PCSK5: variants seen among roughly 807,000 people sequenced by gnomAD.
The protein encoded by PCSK5 is proprotein convertase subtilisin/kexin type 5.
Under a neutral mutation model 233.2 loss-of-function variants are expected in PCSK5, and 129 were observed. That is an observed-to-expected ratio of 0.55 (90% CI 0.48 to 0.64). The LOEUF (loss-of-function observed/expected upper bound fraction) is 0.64. PCSK5 is among the 30% of genes least tolerant of loss of function. PCSK5 has a pLI of 0.00. For synonymous variants in PCSK5, 825 were observed against 879.2 expected (o/e 0.94, Z 1.09); for missense variants, 2,076 against 2,430.1 (o/e 0.85, Z 3.06).
chr9:76,038,792 C>A (rs1828972466), intron 5 of PCSK5, among the ~76,000 whole-genome samples: 1 of 152,188 alleles, frequency 6.6e-6, no homozygotes, highest in Non-Finnish European at 1.5e-5. Flanking sequence ...ACTTTGTCAC[C>A]CATACACTGA....
chr9:75,970,780 C>A (rs1333242120), intron 2 of PCSK5, among the ~76,000 whole-genome samples: 1 of 151,988 alleles, frequency 6.6e-6, no homozygotes, highest in African/African-American at 2.4e-5. Context: ...CACTGCCACG[C>A]CTGGTTAATT....
At chr9:76,064,170 G>A (rs1830159191) in intron 5 of PCSK5, among the ~76,000 whole-genome samples, 1 of 127,544 alleles carries the variant, frequency 7.8e-6, no homozygotes. Flanking sequence ...CGGGGCGGCT[G>A]GCCAGGCGGG....
intron 23 of PCSK5, among the ~76,000 whole-genome samples, chr9:76,239,673 G>A (rs1378536653): frequency 6.8e-6 from 1 of 146,732 alleles, no homozygotes; most frequent in South Asian, 2.2e-4. Flanking sequence ...TCCAGCCTGG[G>A]AGACAGAGCA....
chr9:76,210,619 G>A (rs868322600), intron 20 of PCSK5, among the ~76,000 whole-genome samples: 1 of 152,278 alleles, frequency 6.6e-6, no homozygotes, highest in African/African-American at 2.4e-5. Flanking sequence ...TCATTCCTTC[G>A]AGCTTTATTC....
chr9:75,968,455 T>C (rs1825687659), intron 2 of PCSK5, among the ~76,000 whole-genome samples: 1 of 152,212 alleles, frequency 6.6e-6, no homozygotes, highest in Non-Finnish European at 1.5e-5. Flanking sequence ...AAATATAGCC[T>C]CTTTCTTCCA....
At chr9:76,348,365 T>G (rs1830032995) in intron 35 of PCSK5, among the ~76,000 whole-genome samples, 1 of 152,084 alleles carries the variant, frequency 6.6e-6, no homozygotes, top group South Asian at 2.1e-4. Context: ...GAGCTGAGAT[T>G]GCGCCACTGC....
At chr9:76,259,456 T>TACACACACACACAC (rs10592376) in intron 24 of PCSK5, among the ~76,000 whole-genome samples, 7 of 148,788 alleles carry the variant, frequency 4.7e-5, no homozygotes, top group Non-Finnish European at 7.4e-5. Context: ...CTGTCTACAC[T>TACACACACACACAC]ACACACACAC....
At chr9:76,141,936 C>T (rs1374931663) in intron 10 of PCSK5, among the ~76,000 whole-genome samples, 6 of 151,854 alleles carry the variant, frequency 4.0e-5, no homozygotes, top group Non-Finnish European at 8.8e-5. Flanking sequence ...GATGAGAACT[C>T]GTGAACACAA....
intron 10 of PCSK5, among the ~76,000 whole-genome samples, chr9:76,150,957 T>C (rs778612529): frequency 2.6e-5 from 4 of 152,026 alleles, no homozygotes; most frequent in Non-Finnish European, 5.9e-5. Context: ...TTTTTCTTTC[T>C]TCCGTAGGAA....
chr9:76,203,600 C>T (rs1824996238), intron 20 of PCSK5, among the ~76,000 whole-genome samples: 1 of 151,960 alleles, frequency 6.6e-6, no homozygotes, highest in African/African-American at 2.4e-5. Flanking sequence ...AGAATGCAGC[C>T]TGATAACACC....
At chr9:76,289,469 CCACACACACACACACACA>C (rs201456283) in intron 24 of PCSK5, among the ~76,000 whole-genome samples, 6 of 129,934 alleles carry the variant, frequency 4.6e-5, no homozygotes, top group South Asian at 5.3e-4. Context: ...ATTCCCCTCA[CCACACACACACACACACA>C]CACACACACA....
At chr9:76,204,696 C>T (rs977105214) in intron 20 of PCSK5, among the ~76,000 whole-genome samples, 9 of 152,186 alleles carry the variant, frequency 5.9e-5, no homozygotes, top group African/African-American at 1.9e-4. Context: ...TTTTTCTCAT[C>T]GTTGCATACC....
rs140538456 is a variant in PCSK5 at position 76,096,894 on chromosome 9, G to A, written c.1107+792G>A. Among the ~76,000 whole-genome samples, 760 of 151,046 alleles carry A rather than the reference G, an allele frequency of 5.0e-3. 9 individuals are homozygous for A. Among genetic ancestry groups the A allele is most frequent in the African/African-American group, 0.018 (727 of 41,194 alleles). On this transcript the variant is annotated intron_variant, in intron 8 of 37. Transcript: ENST00000674117. ...GGGATTTACAGGCGTGAGCCACTGC[G>A]CCCCACCAAAAGGTGCATTTCTTTA...
At chr9:75,917,170 GAAAAAA>G (rs34529382) in intron 1 of PCSK5, among the ~76,000 whole-genome samples, 5 of 104,158 alleles carry the variant, frequency 4.8e-5, no homozygotes, top group Non-Finnish European at 9.7e-5. Context: ...CTCCGTCTCA[GAAAAAA>G]AAAAAAAAAA....
At chr9:76,226,178 A>G (rs1825884200) in intron 20 of PCSK5, among the ~76,000 whole-genome samples, 1 of 152,162 alleles carries the variant, frequency 6.6e-6, no homozygotes, top group Non-Finnish European at 1.5e-5. Context: ...CATCACTCTG[A>G]ACATGCACTT....
At chr9:76,090,007 A>G (rs746261751) in intron 7 of PCSK5, among the ~76,000 whole-genome samples, 6 of 152,220 alleles carry the variant, frequency 3.9e-5, no homozygotes, top group Non-Finnish European at 8.8e-5. Flanking sequence ...TGGATCCTGC[A>G]TGGATTCCAC....
intron 8 of PCSK5, among the ~76,000 whole-genome samples, chr9:76,100,580 T>C (rs760943109): frequency 6.6e-6 from 1 of 152,222 alleles, no homozygotes; most frequent in Non-Finnish European, 1.5e-5. Context: ...ACCCCCAAAC[T>C]CATCTTGTAG....
At chr9:76,064,732 G>C (rs1489083287) in intron 5 of PCSK5, among the ~76,000 whole-genome samples, 1 of 150,732 alleles carries the variant, frequency 6.6e-6, no homozygotes, top group Non-Finnish European at 1.5e-5. Flanking sequence ...CCTCCCAGAC[G>C]GGGTCTCGGC....
intron 5 of PCSK5, among the ~76,000 whole-genome samples, chr9:76,044,009 A>T (rs1019072638): frequency 1.3e-5 from 2 of 152,156 alleles, no homozygotes; most frequent in Non-Finnish European, 2.9e-5. Flanking sequence ...AGTTTTTTTT[A>T]AATAAAAAAG....
Sources: gnomAD v4.1 joint callset for allele counts (sites outside exome capture counted in the v4.1 genomes callset) on GRCh38, gnomAD v4.1.1 for gene constraint, MANE v1.5 for transcripts, NCBI Gene and HGNC (gene_info 2026-07-23, HGNC 2026-07-21) for gene names.